Variants in GCN1 observed in about 807,000 individuals in gnomAD.
The protein encoded by GCN1 is GCN1 activator of EIF2AK4, also known as stalled ribosome sensor GCN1.
In GCN1, 90 loss-of-function variants were observed where a neutral mutation model predicts 288.4. The ratio of observed to expected loss-of-function variants is 0.31; its 90% CI spans 0.26 to 0.37. The LOEUF is 0.37. Ranked by LOEUF, GCN1 falls within the 10% of genes least tolerant of loss-of-function variation. GCN1 has a pLI of 1.00. For missense variants in GCN1, 2,586 were observed against 3,419.9 expected, an observed-to-expected ratio of 0.76 and a Z score of 6.08; for synonymous variants, 1,386 against 1,420.2, an observed-to-expected ratio of 0.98 and a Z score of 0.54.
At chr12:120,139,790 G>C (rs775967584) in intron 45 of GCN1, among the ~76,000 whole-genome samples, 2 of 152,092 alleles carry the variant, frequency 1.3e-5, no homozygotes, top group African/African-American at 4.8e-5. Context: ...CTCTCTCCCT[G>C]GACTCTTTCT....
chr12:120,193,006 A>G (rs542568051), intron 1 of GCN1, among the ~76,000 whole-genome samples: 1 of 152,250 alleles, frequency 6.6e-6, no homozygotes, highest in South Asian at 2.1e-4. Flanking sequence ...ATTGCACTCC[A>G]GCCTGGGCAA....
At position 120,168,303 on chromosome 12, in the gene GCN1, G is replaced by T. The variant is rs1461542195; in HGVS notation, c.1520-3C>A. ...CCAGAAACTGCTCAGTTTGGCCTCT[G>T]CAAGAAACAAAAGGTTACCCCACGA... is the stretch of plus-strand genomic sequence containing the variant. On this transcript the variant is annotated splice_region_variant and splice_polypyrimidine_tract_variant and intron_variant, in intron 15 of 57. Transcript: ENST00000300648. The T allele has an allele frequency of 1.3e-6, 2 of 1,577,214 alleles. No individual in the cohort carries two copies. The highest frequency in any genetic ancestry group is 1.7e-6 in the Non-Finnish European group (2 of 1,146,512).
rs1415260848 is a variant in GCN1, at chr12:120,153,742, A to C, written c.3867+2T>G. On this transcript the variant is annotated splice_donor_variant, in intron 32 of 57. Coordinates refer to ENST00000300648, the MANE Select transcript of GCN1 (RefSeq NM_006836.2). LOFTEE classifies it high-confidence loss of function. This position sits in a 1 kb window ranked among gnomAD's most constrained non-coding sequence, Gnocchi z 4.4. ...GGTGTTCCCTGGCTGGGACCCCCTT[A>C]CCTTCCCATGAGTGTTGAGCGTTGC... 6.2e-7 allele frequency: 1 copy of C among 1,613,226 alleles called. No homozygotes were observed. The highest frequency in any genetic ancestry group is 1.7e-5 in the Admixed American group (1 of 59,966).
intron 26 of GCN1, among the ~76,000 whole-genome samples, chr12:120,157,445 C>T (rs1877785292): frequency 6.6e-6 from 1 of 152,128 alleles, no homozygotes; most frequent in South Asian, 2.1e-4. Context: ...TAAAGAAATG[C>T]TCACACTGGT....
rs2139111267 is a variant in GCN1 at position 120,158,046 on chromosome 12, G to A, written c.2906-16C>T. On this transcript the variant is annotated splice_polypyrimidine_tract_variant and intron_variant, in intron 25 of 57. Transcript: ENST00000300648. The surrounding 1 kb of genome is among the most constrained non-coding windows in gnomAD (Gnocchi z 4.3). ...GGCGCAGCACCTGTGAGAGCGAGAA[G>A]CAGATAAGATTCTGCAGGCAGGGCA... is the stretch of plus-strand genomic sequence containing the variant. 2.5e-6 allele frequency: 4 copies of A among 1,612,536 alleles called. No homozygotes were observed. The highest frequency in any genetic ancestry group is 3.4e-6 in the Non-Finnish European group (4 of 1,179,058).
chr12:120,141,982 ATT>A (rs1284228254), intron 44 of GCN1, among the ~76,000 whole-genome samples: 3 of 152,168 alleles, frequency 2.0e-5, no homozygotes, highest in Non-Finnish European at 4.4e-5. Context: ...TTTCTTCTCC[ATT>A]GTGTCCCCAG....
chr12:120,142,426 CAG>C lies in GCN1; in HGVS notation c.5829+79_5829+80del. 1 of 986,122 alleles carries C rather than the reference CAG, an allele frequency of 1.0e-6. No homozygotes were observed. The highest frequency in any genetic ancestry group is 1.6e-6 in the Non-Finnish European group (1 of 617,096). The allele number at this position is 986,122 out of a possible 1,614,324, so 61.1% of individuals were successfully genotyped here. ...TAGGCAGGGTGGATGGGTACTTTCC[CAG>C]GCTCTGCAGACCCAGCCTTCTAGGC... is the stretch of plus-strand genomic sequence containing the variant. On this transcript the variant is annotated intron_variant, in intron 44 of 57. Coordinates refer to ENST00000300648, the MANE Select transcript of GCN1 (RefSeq NM_006836.2). This position sits in a 1 kb window ranked among gnomAD's most constrained non-coding sequence, Gnocchi z 4.9.
chr12:120,155,922 C>T lies in GCN1; in HGVS notation c.3313-203G>A, dbSNP rs754897440. ...TGTTTTTTTAATGTGAAAATTAAAA[C>T]GTTAAATAAACCAGACAGATAAAAA... is the stretch of plus-strand genomic sequence containing the variant. On this transcript the variant is annotated intron_variant, in intron 28 of 57. Transcript: ENST00000300648. This position sits in a 1 kb window ranked among gnomAD's most constrained non-coding sequence, Gnocchi z 4.9. Among the ~76,000 whole-genome samples the T allele has an allele frequency of 6.6e-6, 1 of 152,054 alleles. No homozygotes were observed. Among genetic ancestry groups the T allele is most frequent in the African/African-American group, 2.4e-5 (1 of 41,388 alleles).
chr12:120,182,160 A>C (rs997431771), intron 5 of GCN1, among the ~76,000 whole-genome samples: 1 of 140,338 alleles, frequency 7.1e-6, no homozygotes, highest in South Asian at 2.2e-4. Flanking sequence ...CAAAGAAAAC[A>C]AAAAAAAAAA....
chr12:120,172,497 G>A (rs1878343304), intron 14 of GCN1, among the ~76,000 whole-genome samples: 1 of 152,150 alleles, frequency 6.6e-6, no homozygotes, highest in African/African-American at 2.4e-5. Flanking sequence ...AGGAGGCCCT[G>A]GAATCTCCTA....
intron 2 of GCN1, 126 bp from the exon 3 acceptor site, chr12:120,185,013 C>A: frequency 1.5e-6 from 1 of 668,180 alleles, no homozygotes. Flanking sequence ...GACCTTCCTC[C>A]CCAAGAGGAA....
At chr12:120,143,966 T>C (rs2139094230) in intron 42 of GCN1, among the ~76,000 whole-genome samples, 1 of 152,352 alleles carries the variant, frequency 6.6e-6, no homozygotes, top group African/African-American at 2.4e-5. Flanking sequence ...AATGCAAAGT[T>C]CAACCCTTTG....
At chr12:120,154,010 G>A in intron 31 of GCN1, 101 bp from the exon 32 acceptor site, 1 of 956,954 alleles carries the variant, frequency 1.0e-6, no homozygotes, top group South Asian at 1.6e-5. Flanking sequence ...GCTTGCCTGA[G>A]GCAAACACTG....
At chr12:120,175,266 GAGTGAA>G in intron 11 of GCN1, 54 bp from the exon 12 acceptor site, 2 of 1,471,612 alleles carry the variant, frequency 1.4e-6, no homozygotes, top group Non-Finnish European at 1.9e-6. Flanking sequence ...TTTCCCAAGA[GAGTGAA>G]CAATGCAGTC....
chr12:120,182,573 T>C (rs1406585445), intron 5 of GCN1, among the ~76,000 whole-genome samples: 1 of 152,158 alleles, frequency 6.6e-6, no homozygotes, highest in Non-Finnish European at 1.5e-5. Flanking sequence ...TGAGTAGTAT[T>C]TTCTTTCCCA....
Position 120,155,093 on chromosome 12 carries a change from G to T in GCN1, c.3631-53C>A. ...TGCAACGGGCAGATCAATGACCTGG[G>T]CACCAGGATTGTGAGGCAGGAAACT... On this transcript the variant is annotated intron_variant, in intron 30 of 57. Transcript: ENST00000300648. This position sits in a 1 kb window ranked among gnomAD's most constrained non-coding sequence, Gnocchi z 4.9. 1 of 1,550,302 alleles carries T rather than the reference G, an allele frequency of 6.5e-7. No individual in the cohort carries two copies. Among genetic ancestry groups the T allele is most frequent in the Non-Finnish European group, 8.9e-7 (1 of 1,121,698 alleles).
intron 10 of GCN1, 39 bp from the exon 11 acceptor site, chr12:120,175,913 C>T (rs1878468545): frequency 6.3e-7 from 1 of 1,584,408 alleles, no homozygotes; most frequent in Non-Finnish European, 8.6e-7. Context: ...CAGCCAACAA[C>T]TGAGCATCCA....
At chr12:120,192,391 G>A (rs1227742375) in intron 1 of GCN1, among the ~76,000 whole-genome samples, 2 of 152,080 alleles carry the variant, frequency 1.3e-5, no homozygotes, top group African/African-American at 4.8e-5. Flanking sequence ...AAAATGTTCT[G>A]GCCAAATACA....
In GCN1 at chr12:120,129,469, A is replaced by T; in HGVS notation, c.7697T>A (p.Ile2566Asn). ...VKCLQNPSSD[I>N]RLVAEKMIWW... The stretch of plus-strand genomic sequence containing the variant: ...GATCATCTTCTCAGCCACCAGCCTG[A>T]TGTCGCTGGATGGGTTCTGCAGACA... The change falls in exon 57 of 58, where the codon ATC (isoleucine) becomes AAC (asparagine). Residue 2566 changes from isoleucine to asparagine, a missense_variant. Ile to Asn is a moderately radical substitution (Grantham distance 149). Coordinates refer to ENST00000300648, the MANE Select transcript of GCN1 (RefSeq NM_006836.2). 3 of 1,613,676 alleles carry T rather than the reference A, an allele frequency of 1.9e-6. No individual in the cohort carries two copies. Among genetic ancestry groups the T allele is most frequent in the Non-Finnish European group, 2.5e-6 (3 of 1,179,602 alleles).
Sources: allele counts gnomAD v4.1 joint callset (sites outside exome capture counted in the v4.1 genomes callset), GRCh38; gene constraint gnomAD v4.1.1; non-coding constraint Gnocchi (gnomAD v3.1); transcripts MANE v1.5; gene names NCBI Gene and HGNC (gene_info 2026-07-23, HGNC 2026-07-21).